The following ATF2 variants were observed in gnomAD, a reference collection of about 807,000 sequenced individuals.
ATF2 encodes the protein cyclic AMP-dependent transcription factor ATF-2.
In ATF2, 24 loss-of-function variants were observed where a neutral mutation model predicts 60.6. The ratio of observed to expected loss-of-function variants is 0.40; its 90% CI spans 0.29 to 0.56. ATF2 has a LOEUF of 0.56. ATF2 is among the 20% of genes least tolerant of loss of function. The probability of loss-of-function intolerance (pLI) is 0.54; values close to 1 mark genes in which losing one functional copy is unlikely to be tolerated. For synonymous variants in ATF2, 206 were observed against 215.4 expected (o/e 0.96, Z 0.38); for missense variants, 433 against 607.7 (o/e 0.71, Z 3.02).
At chr2:175,116,644 C>A (rs1696591717) in intron 7 of ATF2, among the ~76,000 whole-genome samples, 1 of 149,524 alleles carries the variant, frequency 6.7e-6, no homozygotes, top group Admixed American at 6.7e-5. Flanking sequence ...AGAAGAGGTC[C>A]AGATTTTTTT....
At chr2:175,167,472 C>G (rs1700437753) in intron 1 of ATF2, among the ~76,000 whole-genome samples, 1 of 152,062 alleles carries the variant, frequency 6.6e-6, no homozygotes, top group Non-Finnish European at 1.5e-5. Context: ...TTCTCCACAC[C>G]ATTCTTTCCT....
intron 1 of ATF2, chr2:175,167,570 C>T (rs562849571): frequency 1.3e-5 from 6 of 470,888 alleles, no homozygotes; most frequent in African/African-American, 1.2e-4. Flanking sequence ...AATACACGGT[C>T]CTCAATCGCT....
chr2:175,080,641 G>C lies in ATF2; in HGVS notation c.1291+19C>G. 6.3e-7 allele frequency: 1 copy of C among 1,597,296 alleles called. No homozygotes were observed. Among genetic ancestry groups the C allele is most frequent in the Non-Finnish European group, 8.6e-7 (1 of 1,165,756 alleles). ...TCACTGACGTAGCCTAAGGCTATAG[G>C]TAATGGAACATTACTCACTATGATA... On this transcript the variant is annotated intron_variant, in intron 13 of 13. Coordinates refer to ENST00000264110, the MANE Select transcript of ATF2 (RefSeq NM_001880.4).
chr2:175,114,163 C>G, intron 8 of ATF2, 55 bp from the exon 9 acceptor site: 3 of 1,515,858 alleles, frequency 2.0e-6, no homozygotes, highest in Non-Finnish European at 2.7e-6. Context: ...CCAACTGTCT[C>G]TTAAAAATAC....
At chr2:175,108,473 C>T (rs1228603198) in intron 10 of ATF2, among the ~76,000 whole-genome samples, 2 of 148,152 alleles carry the variant, frequency 1.3e-5, no homozygotes, top group African/African-American at 2.5e-5. Context: ...GGGGGGTCAG[C>T]CCCCGCCCGG....
intron 3 of ATF2, among the ~76,000 whole-genome samples, chr2:175,134,965 C>T (rs1189626116): frequency 7.0e-6 from 1 of 142,490 alleles, no homozygotes; most frequent in African/African-American, 2.6e-5. Context: ...GATTGTGCCA[C>T]TGCAATCCAG....
At chr2:175,154,478 T>C (rs1467123887) in intron 1 of ATF2, among the ~76,000 whole-genome samples, 3 of 151,854 alleles carry the variant, frequency 2.0e-5, no homozygotes, top group Non-Finnish European at 4.4e-5. Context: ...AATAAACTTT[T>C]TTTTAAAAAA....
chr2:175,125,179 A>T (rs1697246542), intron 4 of ATF2, among the ~76,000 whole-genome samples: 1 of 152,108 alleles, frequency 6.6e-6, no homozygotes, highest in Non-Finnish European at 1.5e-5. Flanking sequence ...AAATAACAAG[A>T]AACTTAAAAA....
At chr2:175,160,517 G>A (rs929901973) in intron 1 of ATF2, among the ~76,000 whole-genome samples, 3 of 151,970 alleles carry the variant, frequency 2.0e-5, no homozygotes, top group Non-Finnish European at 4.4e-5. Context: ...AATATCCCTC[G>A]ACCCAACATC....
At chr2:175,087,949 T>C (rs1694280008) in intron 12 of ATF2, among the ~76,000 whole-genome samples, 1 of 152,196 alleles carries the variant, frequency 6.6e-6, no homozygotes, top group African/African-American at 2.4e-5. Context: ...ATTCTGTAAG[T>C]GCAAAGACAA....
chr2:175,125,629 G>C (rs1406983836), intron 4 of ATF2, among the ~76,000 whole-genome samples: 1 of 151,970 alleles, frequency 6.6e-6, no homozygotes, highest in Non-Finnish European at 1.5e-5. Flanking sequence ...CATATACAAA[G>C]GGTTATGTAG....
At chr2:175,123,292 C>T (rs1476190205) in intron 4 of ATF2, among the ~76,000 whole-genome samples, 1 of 152,010 alleles carries the variant, frequency 6.6e-6, no homozygotes, top group African/African-American at 2.4e-5. Context: ...CTTTGTATTG[C>T]TGTTTTAAAT....
At chr2:175,102,586 T>C (rs1695381870) in intron 10 of ATF2, among the ~76,000 whole-genome samples, 1 of 152,026 alleles carries the variant, frequency 6.6e-6, no homozygotes, top group African/African-American at 2.4e-5. Flanking sequence ...CTGGGCAATA[T>C]GGTAAAACTC....
At chr2:175,149,174 C>T (rs1699143241) in intron 2 of ATF2, among the ~76,000 whole-genome samples, 1 of 152,182 alleles carries the variant, frequency 6.6e-6, no homozygotes, top group Non-Finnish European at 1.5e-5. Context: ...TCCACCATTA[C>T]CTGCCCTTCC....
chr2:175,072,948 A>G lies in ATF2; in HGVS notation c.*1661T>C, dbSNP rs1415946473. The stretch of plus-strand genomic sequence containing the variant: ...GGGATATTTCCTTGAATTATCAAGG[A>G]TATTCCATACAGACTTTTAAAATGT... On this transcript the variant is annotated 3_prime_UTR_variant, in exon 14 of 14. Coordinates refer to ENST00000264110, the MANE Select transcript of ATF2 (RefSeq NM_001880.4). 6.6e-6 allele frequency: 1 copy of G among 152,158 alleles called. No homozygotes were observed. Among genetic ancestry groups the G allele is most frequent in the Non-Finnish European group, 1.5e-5 (1 of 68,010 alleles). The allele number at this position is 152,158 out of a possible 1,614,324, so 9.4% of individuals were successfully genotyped here. A position where few individuals can be genotyped will look rare whatever the true frequency, so the allele number is the denominator to read the frequency against.
intron 1 of ATF2, among the ~76,000 whole-genome samples, chr2:175,156,746 G>A (rs915013745): frequency 6.6e-6 from 1 of 152,194 alleles, no homozygotes; most frequent in African/African-American, 2.4e-5. Context: ...CTCTGCCAAC[G>A]CACTCATCTT....
At chr2:175,136,386 A>G (rs766995211) in intron 3 of ATF2, 26 bp downstream of exon 3, 2 of 1,605,004 alleles carry the variant, frequency 1.2e-6, no homozygotes, top group Admixed American at 3.4e-5. Flanking sequence ...AAAAATGGCT[A>G]AAAATACCAA....
At chr2:175,093,766 G>A (rs775795104) in intron 11 of ATF2, among the ~76,000 whole-genome samples, 6 of 151,950 alleles carry the variant, frequency 3.9e-5, no homozygotes, top group South Asian at 4.1e-4. Context: ...TTTCTCTAAA[G>A]TTATGGAGTG....
intron 10 of ATF2, among the ~76,000 whole-genome samples, 175 bp downstream of exon 10, chr2:175,111,393 T>A (rs546303166): frequency 1.3e-5 from 2 of 152,354 alleles, no homozygotes; most frequent in South Asian, 4.1e-4. Context: ...CACTAACTAC[T>A]CACTATGCTA....
Sources: allele counts gnomAD v4.1 joint callset (sites outside exome capture counted in the v4.1 genomes callset), GRCh38; gene constraint gnomAD v4.1.1; transcripts MANE v1.5; gene names NCBI Gene and HGNC (gene_info 2026-07-23, HGNC 2026-07-21).